The following PTPRD variants were observed in gnomAD, a reference collection of about 807,000 sequenced individuals.
PTPRD encodes protein tyrosine phosphatase receptor type D, also known as receptor-type tyrosine-protein phosphatase delta.
Under a neutral mutation model 214.5 loss-of-function variants are expected in PTPRD, and 34 were observed. The observed-to-expected ratio is 0.16, with a 90% confidence interval of 0.12 to 0.21. The LOEUF is 0.21. Ranked by LOEUF, PTPRD falls within the 10% of genes least tolerant of loss-of-function variation. PTPRD has a pLI of 1.00. For synonymous variants in PTPRD, 1,128 were observed against 845.7 expected, an observed-to-expected ratio of 1.33 and a Z score of -5.79; for missense variants, 2,545 against 2,398.7, an observed-to-expected ratio of 1.06 and a Z score of -1.27.
intron 4 of PTPRD, among the ~76,000 whole-genome samples, chr9:10,004,216 G>T (rs550268840): frequency 1.3e-5 from 2 of 151,788 alleles, no homozygotes; most frequent in African/African-American, 4.8e-5. Flanking sequence ...TGTATATATT[G>T]GGTGTTGTTT....
chr9:9,532,120 T>A (rs1039987099), intron 8 of PTPRD, among the ~76,000 whole-genome samples: 1 of 151,908 alleles, frequency 6.6e-6, no homozygotes, highest in Non-Finnish European at 1.5e-5. Context: ...AAAATTAAAA[T>A]CTAAATGAAT....
At chr9:9,640,115 A>C (rs2095889518) in intron 7 of PTPRD, among the ~76,000 whole-genome samples, 1 of 152,208 alleles carries the variant, frequency 6.6e-6, no homozygotes, top group Non-Finnish European at 1.5e-5. Flanking sequence ...GGATGAGTAG[A>C]CCTTGATCAA....
chr9:10,517,109 C>A (rs1416351338), intron 2 of PTPRD, among the ~76,000 whole-genome samples: 1 of 151,766 alleles, frequency 6.6e-6, no homozygotes, highest in Non-Finnish European at 1.5e-5. Flanking sequence ...TAAGAAATGC[C>A]ATTTGAATTT....
chr9:9,968,928 C>A (rs992682484), intron 4 of PTPRD, among the ~76,000 whole-genome samples: 1 of 152,026 alleles, frequency 6.6e-6, no homozygotes. Flanking sequence ...TACTACTGAC[C>A]AGTAACTATT....
chr9:9,537,515 G>C (rs77374748), intron 8 of PTPRD, among the ~76,000 whole-genome samples: 1,912 of 152,014 alleles, frequency 0.013, 41 homozygotes, highest in African/African-American at 0.043. Flanking sequence ...ACCAGTTCAG[G>C]ACAATTCAGC....
chr9:9,668,986 A>T (rs2154385104), intron 7 of PTPRD, among the ~76,000 whole-genome samples: 1 of 152,314 alleles, frequency 6.6e-6, no homozygotes, highest in African/African-American at 2.4e-5. Flanking sequence ...AAAAAAAGTG[A>T]AACAGTAAAT....
intron 2 of PTPRD, among the ~76,000 whole-genome samples, chr9:10,507,642 T>G (rs1440348845): frequency 6.6e-6 from 1 of 151,830 alleles, no homozygotes; most frequent in Admixed American, 6.6e-5. Flanking sequence ...AGAAATAATA[T>G]CACACATCTA....
chr9:8,652,396 C>A (rs73425449), intron 12 of PTPRD, among the ~76,000 whole-genome samples: 130 of 152,326 alleles, frequency 8.5e-4, no homozygotes, highest in African/African-American at 3.0e-3. Flanking sequence ...CCCTGGCACA[C>A]GGCTATTGTT....
chr9:10,162,112 C>T (rs1649989708), intron 3 of PTPRD, among the ~76,000 whole-genome samples: 1 of 151,486 alleles, frequency 6.6e-6, no homozygotes. Flanking sequence ...ATTAGTATAG[C>T]CACTGTGGAT....
intron 11 of PTPRD, among the ~76,000 whole-genome samples, chr9:8,965,223 C>A (rs1271551444): frequency 2.6e-5 from 4 of 151,744 alleles, no homozygotes; most frequent in African/African-American, 9.7e-5. Context: ...ACTAAAAGCA[C>A]AAAAAAATAA....
intron 12 of PTPRD, among the ~76,000 whole-genome samples, chr9:8,705,314 G>T (rs909678563): frequency 6.6e-6 from 1 of 152,036 alleles, no homozygotes; most frequent in Non-Finnish European, 1.5e-5. Context: ...TCCGCCTCTG[G>T]GATTCTGTGA....
chr9:9,247,823 A>C (rs760909155), intron 9 of PTPRD, among the ~76,000 whole-genome samples: 9 of 152,100 alleles, frequency 5.9e-5, no homozygotes, highest in Non-Finnish European at 1.2e-4. Context: ...AAATTTTTAC[A>C]AGTTCTCAAA....
intron 2 of PTPRD, among the ~76,000 whole-genome samples, chr9:10,537,563 G>GT (rs1186969677): frequency 6.6e-6 from 1 of 151,970 alleles, no homozygotes; most frequent in African/African-American, 2.4e-5. Context: ...TCTTTACATT[G>GT]TTTTTTCTTG....
At chr9:10,094,822 A>G (rs923011596) in intron 3 of PTPRD, among the ~76,000 whole-genome samples, 18 of 151,588 alleles carry the variant, frequency 1.2e-4, no homozygotes, top group Non-Finnish European at 2.5e-4. Context: ...ACCAACAGTG[A>G]AAAGCTTTCA....
In PTPRD at chr9:9,070,199, C is replaced by T. The variant is rs573047873; in HGVS notation, c.-142-51464G>A. ...TCTTGGTGTCACTTGATTCTCTAGA[C>T]TTACACAGAGGTTGGAGAAGGAATT... On this transcript the variant is annotated intron_variant, in intron 10 of 45. Coordinates refer to ENST00000381196, the MANE Select transcript of PTPRD (RefSeq NM_002839.4). 5.9e-5 allele frequency among the ~76,000 whole-genome samples: 9 copies of T among 152,258 alleles called. 1 individual carries two copies. The South Asian group carries it at 1.7e-3, about 28-fold the overall frequency.
At position 9,635,579 on chromosome 9, in the gene PTPRD, T is replaced by C. The variant is rs187708404; in HGVS notation, c.-286-60798A>G. 2.0e-3 allele frequency among the ~76,000 whole-genome samples: 311 copies of C among 152,288 alleles called. 1 individual carries two copies. Among genetic ancestry groups the C allele is most frequent in the African/African-American group, 6.7e-3 (279 of 41,568 alleles). ...AGCCATTGCTCAGATTTTGGAACCA[T>C]TGACAGATTTAAGGAACTCAAATGC... On this transcript the variant is annotated intron_variant, in intron 7 of 45. Coordinates refer to ENST00000381196, the MANE Select transcript of PTPRD (RefSeq NM_002839.4).
At chr9:9,196,605 T>C (rs1378400215) in intron 9 of PTPRD, among the ~76,000 whole-genome samples, 2 of 152,216 alleles carry the variant, frequency 1.3e-5, no homozygotes, top group African/African-American at 2.4e-5. Flanking sequence ...CTAAGTCTTA[T>C]TATCCTTACA....
intron 3 of PTPRD, among the ~76,000 whole-genome samples, chr9:10,073,870 A>G (rs2098082723): frequency 6.6e-6 from 1 of 152,154 alleles, no homozygotes; most frequent in South Asian, 2.1e-4. Context: ...TTTTTCAAAA[A>G]GTGACTAATT....
At chr9:8,934,909 C>G (rs2098986279) in intron 11 of PTPRD, among the ~76,000 whole-genome samples, 2 of 151,958 alleles carry the variant, frequency 1.3e-5, no homozygotes, top group East Asian at 3.9e-4. Flanking sequence ...TAATGTCCTC[C>G]AGTTTCATCC....
Sources: gnomAD v4.1 joint callset for allele counts (sites outside exome capture counted in the v4.1 genomes callset) on GRCh38, gnomAD v4.1.1 for gene constraint, MANE v1.5 for transcripts, NCBI Gene and HGNC (gene_info 2026-07-23, HGNC 2026-07-21) for gene names.